Variants in KCNN2 observed in about 807,000 individuals in gnomAD.
KCNN2 encodes the protein potassium calcium-activated channel subfamily N member 2.
A neutral mutation model predicts 55.5 loss-of-function variants in KCNN2; 24 were observed. The ratio of observed to expected loss-of-function variants is 0.43; its 90% CI spans 0.31 to 0.61. KCNN2 has a LOEUF of 0.61. Among genes scored for constraint, KCNN2 ranks in the 20% least tolerant of loss-of-function variants. The probability of loss-of-function intolerance (pLI) is 0.08; values close to 1 mark genes in which losing one functional copy is unlikely to be tolerated. For missense variants in KCNN2, 754 were observed against 853.6 expected (o/e 0.88, Z 1.45); for synonymous variants, 431 against 336.1 (o/e 1.28, Z -3.09).
intron 2 of KCNN2, among the ~76,000 whole-genome samples, chr5:114,338,435 G>A (rs974486533): frequency 6.6e-6 from 1 of 152,178 alleles, no homozygotes; most frequent in Non-Finnish European, 1.5e-5. Context: ...ATGTCCTTTA[G>A]TAAGTACCAA....
chr5:114,251,780 C>A (rs577332425), intron 2 of KCNN2, among the ~76,000 whole-genome samples: 1 of 147,590 alleles, frequency 6.8e-6, no homozygotes, highest in Non-Finnish European at 1.5e-5. Context: ...TCTTCTGGAC[C>A]CTGAGTATAT....
intron 1 of KCNN2, among the ~76,000 whole-genome samples, chr5:114,203,940 T>G (rs1753722652): frequency 6.6e-6 from 1 of 152,130 alleles, no homozygotes; most frequent in African/African-American, 2.4e-5. Flanking sequence ...ACAAACATTA[T>G]CTCCTTTAGT....
chr5:114,242,998 C>A (rs1227027046), intron 2 of KCNN2, among the ~76,000 whole-genome samples: 2 of 87,284 alleles, frequency 2.3e-5, no homozygotes, highest in Admixed American at 1.4e-4. Flanking sequence ...AGGGAAAACA[C>A]CAGTGAGCAA....
chr5:114,239,991 G>T (rs1009359452), intron 2 of KCNN2, among the ~76,000 whole-genome samples: 3 of 151,986 alleles, frequency 2.0e-5, no homozygotes, highest in Admixed American at 6.6e-5. Flanking sequence ...ATAATCCAAG[G>T]AATAGAAAAA....
At chr5:114,333,849 C>T (rs868737058) in intron 2 of KCNN2, among the ~76,000 whole-genome samples, 29 of 152,164 alleles carry the variant, frequency 1.9e-4, no homozygotes, top group South Asian at 1.0e-3. Context: ...TTGTGCTTAA[C>T]TTTAGTTGTC....
chr5:114,108,097 A>G, intron 1 of KCNN2, among the ~76,000 whole-genome samples: 1 of 151,414 alleles, frequency 6.6e-6, no homozygotes. Flanking sequence ...TTCTATCTTT[A>G]TTTTCTTTTT....
chr5:114,354,502 C>G (rs1283026660), intron 2 of KCNN2, among the ~76,000 whole-genome samples: 1 of 152,000 alleles, frequency 6.6e-6, no homozygotes, highest in Non-Finnish European at 1.5e-5. Context: ...GTAAGTTAAC[C>G]TGAGGATTAA....
chr5:114,084,355 A>G (rs776381742), intron 1 of KCNN2, among the ~76,000 whole-genome samples: 2 of 152,020 alleles, frequency 1.3e-5, no homozygotes, highest in Admixed American at 6.6e-5. Context: ...TCCATTTTCA[A>G]TTTTAGTGAT....
chr5:114,168,156 T>C (rs1031620355), intron 1 of KCNN2, among the ~76,000 whole-genome samples: 5 of 116,336 alleles, frequency 4.3e-5, no homozygotes, highest in Non-Finnish European at 1.8e-5. Flanking sequence ...TATATAATCA[T>C]ATATATGTGG....
chr5:114,372,542 A>G (rs1196870148), intron 2 of KCNN2, among the ~76,000 whole-genome samples: 1 of 152,178 alleles, frequency 6.6e-6, no homozygotes. Flanking sequence ...TTAGTATATA[A>G]TATAAGCTTT....
chr5:114,491,688 G>A (rs1747866330), intron 6 of KCNN2, among the ~76,000 whole-genome samples: 2 of 151,996 alleles, frequency 1.3e-5, no homozygotes, highest in South Asian at 2.1e-4. Context: ...TACCTCTGTT[G>A]GTATGAATCC....
Position 114,373,310 on chromosome 5 carries a change from G to C in KCNN2, c.1218+9309G>C, listed in dbSNP as rs1757821322. ...TCTAAAAGGGTATCCCTTTTGAATAGTTAAAAACAATTATATAGAAACAAT... is the reference window on the plus strand; with the variant it reads ...TCTAAAAGGGTATCCCTTTTGAATACTTAAAAACAATTATATAGAAACAAT... On this transcript the variant is annotated intron_variant, in intron 2 of 7. Transcript: ENST00000673685. Among the ~76,000 whole-genome samples, 3 of 151,960 alleles carry C rather than the reference G, an allele frequency of 2.0e-5. No homozygotes were observed. In the South Asian group the frequency reaches 6.2e-4, roughly 32 times the overall value.
chr5:114,194,433 A>T (rs1161663396), intron 1 of KCNN2, among the ~76,000 whole-genome samples: 1 of 151,998 alleles, frequency 6.6e-6, no homozygotes, highest in African/African-American at 2.4e-5. Flanking sequence ...TTTGATTTGC[A>T]TTTCTCTGAT....
chr5:114,063,516 A>G (rs531672161), intron 1 of KCNN2, among the ~76,000 whole-genome samples: 3 of 152,194 alleles, frequency 2.0e-5, no homozygotes, highest in East Asian at 1.9e-4. Context: ...CCAAATTTCC[A>G]TTTCTAACAA....
intron 1 of KCNN2, among the ~76,000 whole-genome samples, chr5:114,217,044 ATC>A (rs1754020488): frequency 6.6e-6 from 1 of 152,140 alleles, no homozygotes; most frequent in Non-Finnish European, 1.5e-5. Flanking sequence ...TTAGGTATAA[ATC>A]TATCAAAATA....
At chr5:114,332,460 A>G (rs1301631081) in intron 2 of KCNN2, among the ~76,000 whole-genome samples, 1 of 152,240 alleles carries the variant, frequency 6.6e-6, no homozygotes, top group Admixed American at 6.5e-5. Flanking sequence ...AATGATAGGG[A>G]AATGTATAGA....
intron 2 of KCNN2, among the ~76,000 whole-genome samples, chr5:114,330,914 G>T (rs1383474380): frequency 1.3e-5 from 2 of 152,284 alleles, no homozygotes; most frequent in Non-Finnish European, 2.9e-5. Flanking sequence ...ATTAGCAGGG[G>T]TTCAATGTTT....
chr5:114,113,951 A>G (rs1751659677), intron 1 of KCNN2, among the ~76,000 whole-genome samples: 2 of 152,164 alleles, frequency 1.3e-5, no homozygotes, highest in South Asian at 4.1e-4. Context: ...AAAATGACCT[A>G]TTTTGGGGTA....
chr5:114,272,389 AC>A (rs2150008856), intron 2 of KCNN2, among the ~76,000 whole-genome samples: 1 of 93,400 alleles, frequency 1.1e-5, no homozygotes, highest in Admixed American at 1.2e-4. Flanking sequence ...GTACATATAT[AC>A]ACACATATAT....
Sources: gnomAD v4.1 joint callset for allele counts (sites outside exome capture counted in the v4.1 genomes callset) on GRCh38, gnomAD v4.1.1 for gene constraint, MANE v1.5 for transcripts, NCBI Gene and HGNC (gene_info 2026-07-23, HGNC 2026-07-21) for gene names.